The following KCP variants were observed in gnomAD, a reference collection of about 807,000 sequenced individuals.
KCP encodes the protein kielin/chordin-like protein.
In KCP, 194 loss-of-function variants were observed where a neutral mutation model predicts 212.7. The ratio of observed to expected loss-of-function variants is 0.91; its 90% CI spans 0.81 to 1.03. The LOEUF (loss-of-function observed/expected upper bound fraction) is 1.03. Among genes scored for constraint, KCP ranks in the 50% least tolerant of loss-of-function variants. KCP has a pLI of 0.00. For missense variants in KCP, 2,080 were observed against 2,162.5 expected, an observed-to-expected ratio of 0.96 and a Z score of 0.76; for synonymous variants, 833 against 865.3, an observed-to-expected ratio of 0.96 and a Z score of 0.65.
chr7:128,881,749 A>G, intron 30 of KCP, 24 bp from the exon 31 acceptor site: 1 of 1,515,278 alleles, frequency 6.6e-7, no homozygotes, highest in Non-Finnish European at 8.9e-7. Flanking sequence ...CACAAGAGGT[A>G]GAGAATGGCA....
chr7:128,880,033 C>T lies in KCP; in HGVS notation c.3812G>A (p.Arg1271Gln), dbSNP rs540072693. The part of the protein sequence containing the change: ...PGSCCPRCLP[R>Q]PASCMAFGDP... The stretch of plus-strand genomic sequence containing the variant: ...TCCGAAGGCCATGCAGGAAGCGGGC[C>T]GAGGCAGGCAGCGGGGGCAGCAGCT... The change falls in exon 35 of 40, where the codon CGG (arginine) becomes CAG (glutamine). Residue 1271 changes from arginine to glutamine, a missense_variant. Coordinates refer to ENST00000610776, the MANE Select transcript of KCP (RefSeq NM_001366122.1). 52 of 1,548,868 alleles carry T rather than the reference C, an allele frequency of 3.4e-5. No homozygotes were observed. The highest frequency in any genetic ancestry group is 5.9e-5 in the Admixed American group (3 of 50,964).
rs922338605 is a variant in KCP at position 128,879,117 on chromosome 7, G to A, written c.4147-395C>T. The A allele has an allele frequency of 8.3e-5, 28 of 338,586 alleles. No individual in the cohort carries two copies. The East Asian group carries it at 1.3e-3, about 16-fold the overall frequency. The allele number at this position is 338,586 out of a possible 1,614,324, so 21.0% of individuals were successfully genotyped here. A position where few individuals can be genotyped will look rare whatever the true frequency, so the allele number is the denominator to read the frequency against. On this transcript the variant is annotated intron_variant, in intron 37 of 39. Coordinates refer to ENST00000610776, the MANE Select transcript of KCP (RefSeq NM_001366122.1). ...GTACACCCTTATTCTACGAATTTAC[G>A]AGTTGTGTTTCCTGCTGGGGGCAGG...
Position 128,894,075 on chromosome 7 carries a change from T to TA in KCP, c.926-21dup, listed in dbSNP as rs1380829298. 7.8e-6 allele frequency: 12 copies of TA among 1,544,548 alleles called. No homozygotes were observed. Among genetic ancestry groups the TA allele is most frequent in the African/African-American group, 5.5e-5 (4 of 72,934 alleles). Reference sequence around the variant, plus strand: ...AACAGCCTGTTGGGAAGGGGGGCCTTAGATGTTCCTCAGGGGCCCCTCCCC... The same window carrying TA: ...AACAGCCTGTTGGGAAGGGGGGCCTTAAGATGTTCCTCAGGGGCCCCTCCCC... On this transcript the variant is annotated intron_variant, in intron 9 of 39. Transcript: ENST00000610776.
intron 8 of KCP, among the ~76,000 whole-genome samples, chr7:128,896,097 G>C (rs148450803): frequency 1.3e-5 from 2 of 152,064 alleles, no homozygotes; most frequent in Non-Finnish European, 2.9e-5. Flanking sequence ...GGAAACCCCC[G>C]ACCCAAAGGC....
Position 128,907,353 on chromosome 7 carries a change from G to GC in KCP, c.319dup (p.Ala107GlyfsTer6). 2 of 1,542,678 alleles carry GC rather than the reference G, an allele frequency of 1.3e-6. No individual in the cohort carries two copies. The highest frequency in any genetic ancestry group is 1.4e-5 in the African/African-American group (1 of 73,014). On this transcript the variant is annotated frameshift_variant, in exon 3 of 40. Coordinates refer to ENST00000610776, the MANE Select transcript of KCP (RefSeq NM_001366122.1). LOFTEE classifies it high-confidence loss of function. ...TGTGCAGGCGTCAGGCTCCCAGCGT[G>GC]CCCCCTCGGGCCAGGCACGCCCCAG... is the stretch of plus-strand genomic sequence containing the variant.
At chr7:128,908,279 A>AAAGAAAGAAAGAAAGAAAGAAAGT (rs1795254812) in intron 2 of KCP, 147 bp downstream of exon 2, 1 of 562,564 alleles carries the variant, frequency 1.8e-6, no homozygotes, top group Non-Finnish European at 2.7e-6. Flanking sequence ...AGAAAGAAAG[A>AAAGAAAGAAAGAAAGAAAGAAAGT]AAGAAAGAAA....
rs911198674 is a variant in KCP, at chr7:128,877,067, G to A, written c.4863C>T (p.Ser1621=). 6.5e-7 allele frequency: 1 copy of A among 1,527,850 alleles called. No individual in the cohort carries two copies. The highest frequency in any genetic ancestry group is 8.8e-7 in the Non-Finnish European group (1 of 1,140,828). 94.6% of individuals were successfully genotyped at this position (1,527,850 alleles called of 1,614,324 possible). A position where few individuals can be genotyped will look rare whatever the true frequency, so the allele number is the denominator to read the frequency against. ...CTCAGGGTGTCTCCTGGGGCTCCCGGCTGGGGCTGGGCCGAGCACCAAGTG... is the reference window on the plus strand; with the variant it reads ...CTCAGGGTGTCTCCTGGGGCTCCCGACTGGGGCTGGGCCGAGCACCAAGTG... ...DQPLGARPSP[S]REPQETP Residue 1621 remains serine, a synonymous_variant, in exon 40 of 40, where the codon AGC becomes AGT. Coordinates refer to ENST00000610776, the MANE Select transcript of KCP (RefSeq NM_001366122.1).
At chr7:128,888,002 CAT>C (rs1456009388) in intron 22 of KCP, among the ~76,000 whole-genome samples, 2 of 148,348 alleles carry the variant, frequency 1.3e-5, no homozygotes, top group Admixed American at 6.7e-5. Flanking sequence ...GACCCCCCCA[CAT>C]ACACACCCAC....
intron 29 of KCP, among the ~76,000 whole-genome samples, chr7:128,882,789 A>G (rs1474199162): frequency 6.6e-6 from 1 of 152,142 alleles, no homozygotes; most frequent in Non-Finnish European, 1.5e-5. Flanking sequence ...CAAAAAACAG[A>G]AAAGTCGGCG....
At position 128,893,233 on chromosome 7, in the gene KCP, C is replaced by G; in HGVS notation, c.1267+5G>C. The G allele has an allele frequency of 6.4e-7, 1 of 1,550,896 alleles. No individual in the cohort carries two copies. ...AGCAGCTGCTCCTCCCCCTCTCACA[C>G]ACACCTGGGCAGAGCTGGCGGCCAG... On this transcript the variant is annotated splice_donor_5th_base_variant and intron_variant, in intron 13 of 39. Coordinates refer to ENST00000610776, the MANE Select transcript of KCP (RefSeq NM_001366122.1).
At chr7:128,903,524 A>G (rs1395160885) in intron 7 of KCP, among the ~76,000 whole-genome samples, 2 of 152,246 alleles carry the variant, frequency 1.3e-5, no homozygotes, top group Non-Finnish European at 2.9e-5. Context: ...GGCATGGAAT[A>G]TCATTATCTG....
At chr7:128,880,888 G>T in intron 32 of KCP, 109 bp downstream of exon 32, 2 of 400,128 alleles carry the variant, frequency 5.0e-6, no homozygotes, top group South Asian at 2.6e-4. Context: ...CCCCGGTGCA[G>T]GGATGCCCCT....
At position 128,882,021 on chromosome 7, in the gene KCP, G is replaced by A; in HGVS notation, c.3245-5C>T. On this transcript the variant is annotated splice_polypyrimidine_tract_variant and splice_region_variant and intron_variant, in intron 29 of 39. Coordinates refer to ENST00000610776, the MANE Select transcript of KCP (RefSeq NM_001366122.1). Reference sequence around the variant, plus strand: ...CTGAACAGTTACTCAAGGCCTCTGTGAAGACAAGAATCCAGAGTGCGGGAC... The same window carrying A: ...CTGAACAGTTACTCAAGGCCTCTGTAAAGACAAGAATCCAGAGTGCGGGAC... 1 of 1,549,964 alleles carries A rather than the reference G, an allele frequency of 6.5e-7. No individual in the cohort carries two copies. Among genetic ancestry groups the A allele is most frequent in the Non-Finnish European group, 8.7e-7 (1 of 1,145,950 alleles).
intron 8 of KCP, 140 bp downstream of exon 8, chr7:128,902,637 C>A (rs895099687): frequency 1.0e-5 from 8 of 764,084 alleles, no homozygotes; most frequent in Non-Finnish European, 1.7e-5. Context: ...GCCTGCACAG[C>A]CCCCAGCAGA....
At chr7:128,888,194 A>C (rs1793825723) in intron 22 of KCP, among the ~76,000 whole-genome samples, 1 of 151,792 alleles carries the variant, frequency 6.6e-6, no homozygotes, top group South Asian at 2.1e-4. Context: ...ACAGTCACAC[A>C]TACACACACA....
At chr7:128,880,259 C>G in intron 34 of KCP, 127 bp downstream of exon 34, 1 of 1,319,652 alleles carries the variant, frequency 7.6e-7, no homozygotes, top group Non-Finnish European at 1.0e-6. Context: ...CTGGGAACAG[C>G]ACTGTCCCCA....
In KCP at chr7:128,894,189, C is replaced by T; in HGVS notation, c.925+11G>A. ...ACCATGGTCAGGCCTCTGCCCTACC[C>T]ACTGACTCACCATCACACACAGGGC... On this transcript the variant is annotated intron_variant, in intron 9 of 39. Coordinates refer to ENST00000610776, the MANE Select transcript of KCP (RefSeq NM_001366122.1). 6.6e-7 allele frequency: 1 copy of T among 1,519,368 alleles called. No individual in the cohort carries two copies. The highest frequency in any genetic ancestry group is 8.9e-7 in the Non-Finnish European group (1 of 1,126,660). The allele number at this position is 1,519,368 out of a possible 1,614,324, so 94.1% of individuals were successfully genotyped here.
chr7:128,908,227 GGAAAGAAGAAAGGAAGAAA>G (rs1303331091), intron 2 of KCP, among the ~76,000 whole-genome samples, 180 bp downstream of exon 2: 2 of 80,678 alleles, frequency 2.5e-5, no homozygotes, highest in African/African-American at 1.1e-4. Flanking sequence ...AAGGAGGGAA[GGAAAGAAGAAAGGAAGAAA>G]GAAAGAAGAA....
chr7:128,884,193 C>T (rs897354214), intron 28 of KCP, 71 bp from the exon 29 acceptor site: 19 of 1,487,024 alleles, frequency 1.3e-5, no homozygotes, highest in South Asian at 5.2e-5. Context: ...CCGGGACTTC[C>T]GGCCCCTCCC....
Sources: gnomAD v4.1 joint callset for allele counts (sites outside exome capture counted in the v4.1 genomes callset) on GRCh38, gnomAD v4.1.1 for gene constraint, MANE v1.5 for transcripts, NCBI Gene and HGNC (gene_info 2026-07-23, HGNC 2026-07-21) for gene names.